IDE: variants seen among roughly 807,000 people sequenced by gnomAD.
IDE encodes insulin-degrading enzyme.
In IDE, 58 loss-of-function variants were observed where a neutral mutation model predicts 133.2. That is an observed-to-expected ratio of 0.44 (90% CI 0.35 to 0.54). The LOEUF is 0.54. Ranked by LOEUF, IDE falls within the 20% of genes least tolerant of loss-of-function variation. The pLI, the probability that IDE is intolerant of heterozygous loss-of-function variation, is 0.00. For missense variants in IDE, 981 were observed against 1,234.0 expected, an observed-to-expected ratio of 0.79 and a Z score of 3.07; for synonymous variants, 396 against 421.3, an observed-to-expected ratio of 0.94 and a Z score of 0.73.
At chr10:92,533,463 T>C (rs1850055656) in intron 3 of IDE, among the ~76,000 whole-genome samples, 1 of 152,140 alleles carries the variant, frequency 6.6e-6, no homozygotes, top group African/African-American at 2.4e-5. Context: ...ATATAATAAC[T>C]ATTATTAAAA....
At chr10:92,564,781 G>T (rs937258902) in intron 1 of IDE, among the ~76,000 whole-genome samples, 1 of 148,888 alleles carries the variant, frequency 6.7e-6, no homozygotes, top group African/African-American at 2.5e-5. Context: ...TAAACAGTTG[G>T]GTGTGATGGC....
At chr10:92,561,273 GTAAA>G (rs952175629) in intron 1 of IDE, among the ~76,000 whole-genome samples, 1 of 151,308 alleles carries the variant, frequency 6.6e-6, no homozygotes, top group Admixed American at 6.6e-5. Flanking sequence ...AAATAAATAA[GTAAA>G]TAAATAAATA....
At chr10:92,523,770 AC>A (rs929484469) in intron 4 of IDE, among the ~76,000 whole-genome samples, 4 of 151,636 alleles carry the variant, frequency 2.6e-5, no homozygotes, top group African/African-American at 9.7e-5. Context: ...CTTGTCTTCA[AC>A]TGTGCCTTTC....
chr10:92,477,308 T>A (rs989009010), intron 15 of IDE, among the ~76,000 whole-genome samples: 1 of 151,832 alleles, frequency 6.6e-6, no homozygotes, highest in Non-Finnish European at 1.5e-5. Context: ...CACACCACCA[T>A]GTCTGGCTAA....
Position 92,470,356 on chromosome 10 carries a change from G to A in IDE, c.2117-11C>T. On this transcript the variant is annotated splice_polypyrimidine_tract_variant and intron_variant, in intron 17 of 24. Coordinates refer to ENST00000265986, the MANE Select transcript of IDE (RefSeq NM_004969.4). Reference sequence around the variant, plus strand: ...GAGGAAGGGTTACATCTGCAAAGGTGTAAGAAGACATAGTGAGCGCTACCT... The same window carrying A: ...GAGGAAGGGTTACATCTGCAAAGGTATAAGAAGACATAGTGAGCGCTACCT... The A allele has an allele frequency of 6.4e-7, 1 of 1,566,418 alleles. No homozygotes were observed. Among genetic ancestry groups the A allele is most frequent in the Non-Finnish European group, 8.7e-7 (1 of 1,149,704 alleles).
chr10:92,479,308 T>G lies in IDE; in HGVS notation c.1853A>C (p.Tyr618Ser). 6.2e-7 allele frequency: 1 copy of G among 1,613,564 alleles called. No individual in the cohort carries two copies. The stretch of plus-strand genomic sequence containing the variant: ...CCCATAGATGGTATTTTGGAGATCA[T>G]AGCTCAAGCCTGCTAGCTCTGCTGC... ...AYAAELAGLS[Y>S]DLQNTIYGMY... is the part of the protein sequence containing the mutation. The change falls in exon 15 of 25, where the codon TAT (tyrosine) becomes TCT (serine). Residue 618 changes from tyrosine (Y) to serine (S), a missense_variant. By Grantham distance (144) the Tyr-to-Ser change is moderately radical. Transcript: ENST00000265986.
Position 92,479,421 on chromosome 10 carries a change from G to A in IDE, c.1740C>T (p.Ser580=). Residue 580 remains serine, a splice_region_variant and synonymous_variant, in exon 15 of 25, where the codon AGC becomes AGT. Transcript: ENST00000265986. Reference sequence around the variant, plus strand: ...GCAAGGGGTCCACATAAGCAAATGGGCTGGAAGAAAATGTTGACAGTAAAA... The same window carrying A: ...GCAAGGGGTCCACATAAGCAAATGGACTGGAAGAAAATGTTGACAGTAAAA... ...PKACLNFEFF[S]PFAYVDPLHC... is the part of the protein sequence containing the mutation. The A allele has an allele frequency of 6.3e-7, 1 of 1,597,824 alleles. No homozygotes were observed. Among genetic ancestry groups the A allele is most frequent in the Non-Finnish European group, 8.6e-7 (1 of 1,167,162 alleles).
At chr10:92,465,645 G>C in intron 20 of IDE, 31 bp downstream of exon 20, 1 of 1,585,962 alleles carries the variant, frequency 6.3e-7, no homozygotes, top group Non-Finnish European at 8.7e-7. Flanking sequence ...AAAGTCTACA[G>C]TACCCTGCTA....
intron 14 of IDE, among the ~76,000 whole-genome samples, chr10:92,482,700 A>T (rs1438697399): frequency 6.6e-6 from 1 of 152,194 alleles, no homozygotes; most frequent in Non-Finnish European, 1.5e-5. Context: ...GCTAACATAA[A>T]TCATTTCAGC....
intron 4 of IDE, among the ~76,000 whole-genome samples, chr10:92,524,476 AAT>A (rs1849485099): frequency 3.0e-5 from 2 of 67,354 alleles, no homozygotes; most frequent in Non-Finnish European, 5.2e-5. Flanking sequence ...TATAATATAT[AAT>A]ATATATTATA....
In IDE at chr10:92,532,010, G is replaced by A. The variant is rs1194744497; in HGVS notation, c.492-93C>T. On this transcript the variant is annotated intron_variant, in intron 3 of 24. Coordinates refer to ENST00000265986, the MANE Select transcript of IDE (RefSeq NM_004969.4). ...TTTTGGAACTTATTAGATAGGAAAT[G>A]TAAATTTTGCAGAATCAGAAACAAA... 260 of 896,264 alleles carry A rather than the reference G, an allele frequency of 2.9e-4. 1 individual carries two copies. The highest frequency in any genetic ancestry group is 1.6e-4 in the Non-Finnish European group (106 of 642,452). The allele number at this position is 896,264 out of a possible 1,614,324, so 55.5% of individuals were successfully genotyped here.
chr10:92,534,982 G>A (rs1023696750), intron 2 of IDE, among the ~76,000 whole-genome samples, 197 bp from the exon 3 acceptor site: 17 of 152,164 alleles, frequency 1.1e-4, no homozygotes, highest in Admixed American at 2.6e-4. Context: ...TGCTCTTGAC[G>A]CTAATTAGTT....
At chr10:92,517,139 T>C (rs928927412) in intron 4 of IDE, among the ~76,000 whole-genome samples, 2 of 152,148 alleles carry the variant, frequency 1.3e-5, no homozygotes, top group African/African-American at 4.8e-5. Flanking sequence ...ATATCTGATA[T>C]AGGGGCACTG....
chr10:92,551,385 C>T (rs750065381), intron 1 of IDE, among the ~76,000 whole-genome samples: 7 of 151,672 alleles, frequency 4.6e-5, no homozygotes, highest in East Asian at 1.9e-4. Context: ...CTGGCCAACA[C>T]GGTGAAACCC....
intron 4 of IDE, among the ~76,000 whole-genome samples, chr10:92,519,016 G>A: frequency 6.6e-6 from 1 of 152,050 alleles, no homozygotes; most frequent in East Asian, 1.9e-4. Flanking sequence ...CTACCTCTTT[G>A]TATGACAACT....
intron 4 of IDE, among the ~76,000 whole-genome samples, chr10:92,517,156 TC>T (rs1848974495): frequency 6.6e-6 from 1 of 152,168 alleles, no homozygotes; most frequent in East Asian, 1.9e-4. Context: ...ACTGGGAAAG[TC>T]CCTCTTTCAT....
intron 4 of IDE, among the ~76,000 whole-genome samples, chr10:92,515,353 G>A (rs1219609369): frequency 2.7e-5 from 4 of 148,436 alleles, no homozygotes; most frequent in South Asian, 2.2e-4. Flanking sequence ...TCCGCCTCCC[G>A]GGTTCACGCC....
At chr10:92,466,311 T>C (rs975961914) in intron 19 of IDE, among the ~76,000 whole-genome samples, 1 of 151,018 alleles carries the variant, frequency 6.6e-6, no homozygotes, top group Non-Finnish European at 1.5e-5. Context: ...CACATCCTTC[T>C]AGCCTTTTTG....
At chr10:92,551,970 T>C (rs912172884) in intron 1 of IDE, among the ~76,000 whole-genome samples, 7 of 152,020 alleles carry the variant, frequency 4.6e-5, no homozygotes, top group African/African-American at 1.7e-4. Flanking sequence ...ACCCCATCTA[T>C]ACACACACAC....
Sources: gnomAD v4.1 joint callset for allele counts (sites outside exome capture counted in the v4.1 genomes callset) on GRCh38, gnomAD v4.1.1 for gene constraint, MANE v1.5 for transcripts, NCBI Gene and HGNC (gene_info 2026-07-23, HGNC 2026-07-21) for gene names.